ATP2B2: variants seen among roughly 807,000 people sequenced by gnomAD.
ATP2B2 encodes plasma membrane calcium-transporting ATPase 2.
ATP2B2 carries 15 observed loss-of-function variants against 120.0 expected under a neutral mutation model. That is an observed-to-expected ratio of 0.12 (90% confidence interval 0.08 to 0.19). The LOEUF (loss-of-function observed/expected upper bound fraction) is 0.19. ATP2B2 is among the 10% of genes least tolerant of loss of function. The probability of loss-of-function intolerance (pLI) is 1.00; values close to 1 mark genes in which losing one functional copy is unlikely to be tolerated. For synonymous variants in ATP2B2, 694 were observed against 700.3 expected, an observed-to-expected ratio of 0.99 and a Z score of 0.14; for missense variants, 1,045 against 1,719.8, an observed-to-expected ratio of 0.61 and a Z score of 6.94.
intron 22 of ATP2B2, chr3:10,336,335 A>G: frequency 6.5e-7 from 1 of 1,544,702 alleles, no homozygotes; most frequent in Non-Finnish European, 8.8e-7. Flanking sequence ...AAGTTGCGAG[A>G]AGAACGAGCA....
intron 2 of ATP2B2, among the ~76,000 whole-genome samples, chr3:10,434,715 G>A (rs2063422777): frequency 6.6e-6 from 1 of 152,226 alleles, no homozygotes; most frequent in Admixed American, 6.5e-5. Flanking sequence ...AGTAGCTCCA[G>A]GGCTGACAGC....
chr3:10,666,285 G>A (rs894908717), intron 1 of ATP2B2, among the ~76,000 whole-genome samples: 1 of 152,182 alleles, frequency 6.6e-6, no homozygotes, highest in Admixed American at 6.5e-5. Context: ...ACCAGAGTGG[G>A]CACGGGCAGC....
At chr3:10,419,233 G>A (rs534901534) in intron 2 of ATP2B2, among the ~76,000 whole-genome samples, 6 of 152,300 alleles carry the variant, frequency 3.9e-5, no homozygotes, top group Admixed American at 6.5e-5. Context: ...GGGTGGCCAC[G>A]TGCCCCCTGT....
At chr3:10,599,420 C>T (rs1291653477) in intron 2 of ATP2B2, among the ~76,000 whole-genome samples, 1 of 152,190 alleles carries the variant, frequency 6.6e-6, no homozygotes, top group Non-Finnish European at 1.5e-5. Flanking sequence ...TTTCCCCTCC[C>T]TGCAGGGGCT....
chr3:10,595,916 C>G (rs1440489874), intron 2 of ATP2B2, among the ~76,000 whole-genome samples: 1 of 152,188 alleles, frequency 6.6e-6, no homozygotes, highest in African/African-American at 2.4e-5. Flanking sequence ...GCACCATACT[C>G]TAGCCACATC....
intron 2 of ATP2B2, among the ~76,000 whole-genome samples, chr3:10,437,736 C>G (rs1559337430): frequency 6.6e-6 from 1 of 152,196 alleles, no homozygotes. Flanking sequence ...GAAGTCCTAA[C>G]CCTCAGTACC....
intron 6 of ATP2B2, 92 bp downstream of exon 6, chr3:10,388,185 C>G: frequency 6.3e-7 from 1 of 1,592,872 alleles, no homozygotes; most frequent in East Asian, 2.2e-5. Flanking sequence ...GTAGAAGGCA[C>G]TCAATAACTA....
chr3:10,330,634 C>G (rs974274193), intron 22 of ATP2B2, among the ~76,000 whole-genome samples: 14 of 152,230 alleles, frequency 9.2e-5, no homozygotes, highest in Non-Finnish European at 2.1e-4. Flanking sequence ...CTGCCCTGCA[C>G]CACAGGCCTG....
chr3:10,346,224 T>C lies in ATP2B2; in HGVS notation c.2405-87A>G. Reference sequence around the variant, plus strand: ...CCCTGGTCCTCGGGAGGGGCCTGGCTGGGCATGGCTTCCTCTCTGGTCCCT... The same window carrying C: ...CCCTGGTCCTCGGGAGGGGCCTGGCCGGGCATGGCTTCCTCTCTGGTCCCT... On this transcript the variant is annotated intron_variant, in intron 16 of 22. Coordinates refer to ENST00000360273, the MANE Select transcript of ATP2B2 (RefSeq NM_001001331.4). This position sits in a 1 kb window ranked among gnomAD's most constrained non-coding sequence, Gnocchi z 4.1. 7.6e-7 allele frequency: 1 copy of C among 1,309,158 alleles called. No individual in the cohort carries two copies. The allele number at this position is 1,309,158 out of a possible 1,614,324, so 81.1% of individuals were successfully genotyped here.
chr3:10,464,829 T>C (rs1372813129), intron 1 of ATP2B2, among the ~76,000 whole-genome samples: 2 of 152,212 alleles, frequency 1.3e-5, no homozygotes, highest in East Asian at 1.9e-4. Flanking sequence ...CAGTGATTTC[T>C]AGATGGGGAA....
Position 10,544,017 on chromosome 3 carries a change from G to T in ATP2B2, c.-414-9884C>A, listed in dbSNP as rs546257005. 1.2e-4 allele frequency among the ~76,000 whole-genome samples: 18 copies of T among 152,242 alleles called. No individual in the cohort carries two copies. In the East Asian group the frequency reaches 2.7e-3, roughly 23 times the overall value. On this transcript the variant is annotated intron_variant, in intron 2 of 21. Transcript: ENST00000646379. ...GCCTCCCAAAGTGCTAGGATTATAG[G>T]CGTAAGCCACCACACCTGGCCCTGT...
At chr3:10,355,044 C>G (rs1324870125) in intron 14 of ATP2B2, among the ~76,000 whole-genome samples, 1 of 152,072 alleles carries the variant, frequency 6.6e-6, no homozygotes, top group African/African-American at 2.4e-5. Flanking sequence ...GAGGTGGGAA[C>G]CAGGGGGCTA....
rs747843088 is a variant in ATP2B2 at position 10,327,580 on chromosome 3, C to T, written c.*1234G>A. 4 of 152,570 alleles carry T rather than the reference C, an allele frequency of 2.6e-5. No individual in the cohort carries two copies. The highest frequency in any genetic ancestry group is 2.9e-5 in the Non-Finnish European group (2 of 68,014). The allele number at this position is 152,570 out of a possible 1,614,324, so 9.5% of individuals were successfully genotyped here. On this transcript the variant is annotated 3_prime_UTR_variant, in exon 23 of 23. Coordinates refer to ENST00000360273, the MANE Select transcript of ATP2B2 (RefSeq NM_001001331.4). ...CACAATACCATTTATAATATTTCAA[C>T]ACTACCTCAATCTCTGTACAGACAG...
chr3:10,382,151 G>T (rs2061547945), intron 8 of ATP2B2, among the ~76,000 whole-genome samples: 1 of 150,024 alleles, frequency 6.7e-6, no homozygotes, highest in South Asian at 2.1e-4. Flanking sequence ...TCAGCTTCCT[G>T]AGTTGCTGGG....
chr3:10,414,252 TTCCGGAGTCCACAG>T (rs2062708975), intron 2 of ATP2B2, among the ~76,000 whole-genome samples: 1 of 152,156 alleles, frequency 6.6e-6, no homozygotes, highest in Middle Eastern at 3.2e-3. Flanking sequence ...GATTCAGAAG[TTCCGGAGTCCACAG>T]TGTAAATAGT....
intron 3 of ATP2B2, among the ~76,000 whole-genome samples, chr3:10,520,312 AG>A (rs2066958285): frequency 6.6e-6 from 1 of 152,120 alleles, no homozygotes; most frequent in Non-Finnish European, 1.5e-5. Flanking sequence ...GCAGCAGGGG[AG>A]GGGGGTGCCG....
intron 2 of ATP2B2, among the ~76,000 whole-genome samples, chr3:10,559,313 C>T (rs937258931): frequency 1.3e-5 from 2 of 152,052 alleles, no homozygotes; most frequent in Admixed American, 6.6e-5. Flanking sequence ...AGTTGTAGTG[C>T]TTTATAGCAC....
chr3:10,420,738 G>C (rs17032857), intron 2 of ATP2B2, among the ~76,000 whole-genome samples: 1,881 of 152,342 alleles, frequency 0.012, 43 homozygotes, highest in African/African-American at 0.043. Context: ...GGTCGCATCT[G>C]GGCACCTGGC....
intron 2 of ATP2B2, among the ~76,000 whole-genome samples, chr3:10,539,797 CACAGG>C: frequency 6.6e-6 from 1 of 152,208 alleles, no homozygotes; most frequent in Non-Finnish European, 1.5e-5. Flanking sequence ...CCATTCAGGA[CACAGG>C]CATGGGCAAG....
Sources: allele counts gnomAD v4.1 joint callset (sites outside exome capture counted in the v4.1 genomes callset), GRCh38; gene constraint gnomAD v4.1.1; non-coding constraint Gnocchi (gnomAD v3.1); transcripts MANE v1.5; gene names NCBI Gene and HGNC (gene_info 2026-07-23, HGNC 2026-07-21).